The following EVC2 variants were observed in gnomAD, a reference collection of about 807,000 sequenced individuals.
EVC2 encodes the protein limbin.
In EVC2, 148 loss-of-function variants were observed where a neutral mutation model predicts 149.3. That is an observed-to-expected ratio of 0.99 (90% CI 0.87 to 1.14). EVC2 has a LOEUF of 1.14. Among genes scored for constraint, EVC2 ranks in the 50% most tolerant of loss-of-function variants. EVC2 has a pLI of 0.00. For missense variants in EVC2, 1,854 were observed against 1,627.3 expected, an observed-to-expected ratio of 1.14 and a Z score of -2.40; for synonymous variants, 776 against 649.9, an observed-to-expected ratio of 1.19 and a Z score of -2.95.
Position 5,622,633 on chromosome 4 carries a change from C to A in EVC2, c.2405G>T (p.Gly802Val). 6.2e-7 allele frequency: 1 copy of A among 1,614,060 alleles called. No individual in the cohort carries two copies. The change falls in exon 14 of 22, where the codon GGT (glycine) becomes GTT (valine). Residue 802 changes from glycine to valine, a missense_variant. Physicochemically the swap from Gly to Val is moderately radical, Grantham distance 109. Coordinates refer to ENST00000344408, the MANE Select transcript of EVC2 (RefSeq NM_147127.5). The surrounding 1 kb of genome is among the most constrained non-coding windows in gnomAD (Gnocchi z 5.8). ...CAGTCTCTGCCTCACGCTCTGGACA[C>A]CCTCCTGGTCCCTGTCCCTCTCCTC... ...EGEERDRDQEGVQSVRQRLKD... is the reference protein window; with the variant it reads ...EGEERDRDQEVVQSVRQRLKD...
At chr4:5,708,058 G>T in intron 1 of EVC2, 1 of 423,760 alleles carries the variant, frequency 2.4e-6, no homozygotes, top group Non-Finnish European at 4.1e-6. Context: ...AGGGTCGCTG[G>T]TGAAGTCCAA....
intron 16 of EVC2, among the ~76,000 whole-genome samples, chr4:5,602,291 T>TAAAAA (rs571933194): frequency 1.5e-3 from 126 of 81,678 alleles, no homozygotes; most frequent in Non-Finnish European, 2.7e-3. Flanking sequence ...CATTGCCTCT[T>TAAAAA]AAAAAAAAAA....
At chr4:5,623,099 C>A in intron 13 of EVC2, 108 bp from the exon 14 acceptor site, 2 of 1,010,420 alleles carry the variant, frequency 2.0e-6, no homozygotes, top group Non-Finnish European at 1.4e-6. Flanking sequence ...GCCTTTTCCC[C>A]AACAATCTCA....
chr4:5,615,799 G>C (rs1278096238), intron 15 of EVC2, among the ~76,000 whole-genome samples: 1 of 152,186 alleles, frequency 6.6e-6, no homozygotes, highest in Non-Finnish European at 1.5e-5. Flanking sequence ...CAGAACCTCA[G>C]CTCTGCAGTC....
At chr4:5,658,206 G>C (rs933840335) in intron 9 of EVC2, among the ~76,000 whole-genome samples, 9 of 152,144 alleles carry the variant, frequency 5.9e-5, no homozygotes, top group Non-Finnish European at 1.2e-4. Context: ...TGCAGAAGGA[G>C]CCCTCAGCAA....
chr4:5,696,645 G>A lies in EVC2; in HGVS notation c.283+948C>T, dbSNP rs911434500. 6.6e-6 allele frequency among the ~76,000 whole-genome samples: 1 copy of A among 152,208 alleles called. No homozygotes were observed. Among genetic ancestry groups the A allele is most frequent in the African/African-American group, 2.4e-5 (1 of 41,456 alleles). ...CTGCCTGTGAAAGATGCTCACCAGA[G>A]GAAAGCAGGGCGGCTGAGAGGGAAG... On this transcript the variant is annotated intron_variant, in intron 2 of 21. Coordinates refer to ENST00000344408, the MANE Select transcript of EVC2 (RefSeq NM_147127.5). The surrounding 1 kb of genome is among the most constrained non-coding windows in gnomAD (Gnocchi z 4.1).
chr4:5,587,904 G>A (rs529595238), intron 16 of EVC2, among the ~76,000 whole-genome samples: 94 of 152,204 alleles, frequency 6.2e-4, no homozygotes, highest in Middle Eastern at 3.4e-3. Context: ...AGGGTGTGGC[G>A]CCGGGCTGTC....
intron 5 of EVC2, among the ~76,000 whole-genome samples, chr4:5,685,976 T>C (rs1720677956): frequency 1.3e-5 from 2 of 151,970 alleles, no homozygotes; most frequent in Non-Finnish European, 2.9e-5. Context: ...CCTAACAGAG[T>C]TTACTTATAG....
chr4:5,686,550 C>T lies in EVC2; in HGVS notation c.707-1071G>A, dbSNP rs896880663. On this transcript the variant is annotated intron_variant, in intron 5 of 21. Transcript: ENST00000344408. This position sits in a 1 kb window ranked among gnomAD's most constrained non-coding sequence, Gnocchi z 5.4. ...ACTGCCCCGAGATGGATGGAGAACACGTGATTTTCTGCAACATACAGAAGA... is the reference window on the plus strand; with the variant it reads ...ACTGCCCCGAGATGGATGGAGAACATGTGATTTTCTGCAACATACAGAAGA... 1.3e-5 allele frequency among the ~76,000 whole-genome samples: 2 copies of T among 152,090 alleles called. No individual in the cohort carries two copies. Among genetic ancestry groups the T allele is most frequent in the South Asian group, 2.1e-4 (1 of 4,818 alleles).
At chr4:5,538,958 G>C (rs1265140379), downstream of EVC2, among the ~76,000 whole-genome samples, 1 of 151,926 alleles carries the variant, frequency 6.6e-6, no homozygotes, top group African/African-American at 2.4e-5. Flanking sequence ...AGTAAAGTAA[G>C]GCAAGAAAAA....
intron 1 of EVC2, among the ~76,000 whole-genome samples, chr4:5,703,688 G>C (rs1040197793): frequency 6.6e-6 from 1 of 152,042 alleles, no homozygotes; most frequent in African/African-American, 2.4e-5. Flanking sequence ...GTTGACAAAC[G>C]AGACATCAAA....
the EVC2 span, among the ~76,000 whole-genome samples, chr4:5,532,931 T>C: frequency 6.6e-6 from 1 of 151,376 alleles, no homozygotes; most frequent in East Asian, 2.0e-4. Context: ...TACCCTGATA[T>C]CAGGAAGGGA....
At chr4:5,628,054 G>T (rs998819428) in intron 12 of EVC2, among the ~76,000 whole-genome samples, 27 of 152,092 alleles carry the variant, frequency 1.8e-4, no homozygotes, top group African/African-American at 6.3e-4. Context: ...TTAAAATTCT[G>T]TAACACAAAG....
At chr4:5,610,527 G>A (rs1332322440) in intron 16 of EVC2, among the ~76,000 whole-genome samples, 1 of 152,184 alleles carries the variant, frequency 6.6e-6, no homozygotes, top group African/African-American at 2.4e-5. Context: ...ACCAGGTGAA[G>A]GGTCTAGCTT....
intron 17 of EVC2, among the ~76,000 whole-genome samples, chr4:5,577,617 A>G (rs1723009625): frequency 6.6e-6 from 1 of 152,124 alleles, no homozygotes; most frequent in Non-Finnish European, 1.5e-5. Flanking sequence ...AAAGCCCCCT[A>G]AAGACTCTGA....
At chr4:5,693,597 C>T (rs1459691104) in intron 3 of EVC2, among the ~76,000 whole-genome samples, 2 of 152,332 alleles carry the variant, frequency 1.3e-5, no homozygotes, top group East Asian at 3.9e-4. Flanking sequence ...TTCTAACCTC[C>T]CCAGCAGTGA....
intron 1 of EVC2, among the ~76,000 whole-genome samples, chr4:5,704,373 C>A (rs1158228366): frequency 6.6e-6 from 1 of 151,962 alleles, no homozygotes; most frequent in Non-Finnish European, 1.5e-5. Flanking sequence ...CTGGGCCCAG[C>A]AAGAAAAAGA....
intron 12 of EVC2, 26 bp downstream of exon 12, chr4:5,628,533 A>G (rs754756774): frequency 6.2e-7 from 1 of 1,613,798 alleles, no homozygotes; most frequent in African/African-American, 1.3e-5. Context: ...GACAGTTCGC[A>G]CTGTTGGGAC....
At chr4:5,706,300 A>G (rs1483062893) in intron 1 of EVC2, among the ~76,000 whole-genome samples, 1 of 150,962 alleles carries the variant, frequency 6.6e-6, no homozygotes, top group Non-Finnish European at 1.5e-5. Flanking sequence ...AAATATAGAT[A>G]GATACATAGA....
Sources: gnomAD v4.1 joint callset for allele counts (sites outside exome capture counted in the v4.1 genomes callset) on GRCh38, gnomAD v4.1.1 for gene constraint, Gnocchi (gnomAD v3.1) non-coding constraint, MANE v1.5 for transcripts, NCBI Gene and HGNC (gene_info 2026-07-23, HGNC 2026-07-21) for gene names.